ZBTB10: variants seen among roughly 807,000 people sequenced by gnomAD.
The protein encoded by ZBTB10 is zinc finger and BTB domain-containing protein 10.
Under a neutral mutation model 76.4 loss-of-function variants are expected in ZBTB10, and 32 were observed. The ratio of observed to expected loss-of-function variants is 0.42; its 90% CI spans 0.32 to 0.56. The LOEUF is 0.56. Among genes scored for constraint, ZBTB10 ranks in the 20% least tolerant of loss-of-function variants. The probability of loss-of-function intolerance (pLI) is 0.14; values close to 1 mark genes in which losing one functional copy is unlikely to be tolerated. For synonymous variants in ZBTB10, 523 were observed against 432.9 expected (o/e 1.21, Z -2.58); for missense variants, 1,057 against 1,098.5 (o/e 0.96, Z 0.53).
rs373222077 is a variant in ZBTB10 at position 80,487,383 on chromosome 8, G to A, written c.573G>A (p.Ala191=). ...SDSTEDEEEG[A]SLGDGSGAEG... ...GCACCGAGGACGAGGAGGAGGGGGC[G>A]AGCCTGGGCGACGGCAGCGGGGCGG... The change falls in exon 1 of 6, where the codon GCG becomes GCA. Residue 191 remains alanine, a synonymous_variant. Coordinates refer to ENST00000455036, the MANE Select transcript of ZBTB10 (RefSeq NM_001105539.3). The A allele has an allele frequency of 2.6e-6, 4 of 1,531,488 alleles. No homozygotes were observed. The African/African-American group carries it at 4.1e-5, about 16-fold the overall frequency. The allele number at this position is 1,531,488 out of a possible 1,614,324, so 94.9% of individuals were successfully genotyped here.
chr8:80,503,314 G>A (rs1259009985), intron 2 of ZBTB10, among the ~76,000 whole-genome samples: 1 of 152,080 alleles, frequency 6.6e-6, no homozygotes, highest in Non-Finnish European at 1.5e-5. Flanking sequence ...TTCCGGTGCT[G>A]TGTACTTTCT....
At chr8:80,490,288 C>G (rs1434894554) in intron 1 of ZBTB10, among the ~76,000 whole-genome samples, 1 of 152,132 alleles carries the variant, frequency 6.6e-6, no homozygotes, top group Non-Finnish European at 1.5e-5. Flanking sequence ...GAGACAGTGA[C>G]TCTATTGCCC....
Position 80,518,925 on chromosome 8 carries a change from C to T in ZBTB10, c.2281C>T (p.Arg761Ter), listed in dbSNP as rs1261779426. 1 of 1,603,750 alleles carries T rather than the reference C, an allele frequency of 6.2e-7. No homozygotes were observed. Residue 761 changes from arginine (R) to a stop codon, truncating the protein, a stop_gained, in exon 5 of 6, where the codon CGA (arginine) becomes TGA (stop). Transcript: ENST00000455036. LOFTEE classifies it high-confidence loss of function. ...TGATATTTGTGGAAAACTGTTTACT[C>T]GAAGAGAACATGTAAAAAGACATTC... is the stretch of plus-strand genomic sequence containing the variant. ...SCDICGKLFTRREHVKRHSLV... is the reference protein window; with the variant it reads ...SCDICGKLFT
chr8:80,500,652 C>T (rs368169504), intron 2 of ZBTB10, among the ~76,000 whole-genome samples: 1 of 152,122 alleles, frequency 6.6e-6, no homozygotes, highest in African/African-American at 2.4e-5. Context: ...GCTGCATGTA[C>T]GGGTCTTTGA....
At position 80,486,835 on chromosome 8, in the gene ZBTB10, A is replaced by T. The variant is rs995869590; in HGVS notation, c.25A>T (p.Arg9Trp). Residue 9 changes from arginine to tryptophan, a missense_variant, in exon 1 of 6, where the codon AGG becomes TGG. Arg to Trp is a moderately radical substitution (Grantham distance 101). Coordinates refer to ENST00000455036, the MANE Select transcript of ZBTB10 (RefSeq NM_001105539.3). ...CATGTCGTTCAGTGAAATGAACCGC[A>T]GGACGCTGGCGTTCCGAGGAGGCGG... MSFSEMNR[R>W]TLAFRGGGLV... The T allele has an allele frequency of 6.7e-7, 1 of 1,498,696 alleles. No individual in the cohort carries two copies. The highest frequency in any genetic ancestry group is 1.5e-5 in the African/African-American group (1 of 67,826). 92.8% of individuals were successfully genotyped at this position (1,498,696 alleles called of 1,614,324 possible).
At position 80,486,390 on chromosome 8, in the gene ZBTB10, T is replaced by TATCTGTGTGGAGG; in HGVS notation, c.-417_-405dup. The TATCTGTGTGGAGG allele has an allele frequency of 6.1e-6, 6 of 989,218 alleles. No homozygotes were observed. The highest frequency in any genetic ancestry group is 6.0e-6 in the Non-Finnish European group (5 of 833,456). 61.3% of individuals were successfully genotyped at this position (989,218 alleles called of 1,614,324 possible). On this transcript the variant is annotated 5_prime_UTR_variant, in exon 1 of 6. Transcript: ENST00000455036. ...GACTCCTCGGCGCGCGGAGGAAGGA[T>TATCTGTGTGGAGG]ATCTGTGTGGAGGATCGGTGTGTGC... is the stretch of plus-strand genomic sequence containing the variant.
At chr8:80,512,516 G>T (rs1230392194) in intron 2 of ZBTB10, among the ~76,000 whole-genome samples, 1 of 152,180 alleles carries the variant, frequency 6.6e-6, no homozygotes, top group African/African-American at 2.4e-5. Context: ...TTCAAGGCCA[G>T]CCTGGGCAAC....
At position 80,486,394 on chromosome 8, in the gene ZBTB10, TGTGTG is replaced by T. The variant is rs2131464283; in HGVS notation, c.-415_-411del. On this transcript the variant is annotated 5_prime_UTR_variant, in exon 1 of 6. Transcript: ENST00000455036. Reference sequence around the variant, plus strand: ...CCTCGGCGCGCGGAGGAAGGATATCTGTGTGGAGGATCGGTGTGTGCGCGCGCGGC... The same window carrying T: ...CCTCGGCGCGCGGAGGAAGGATATCTGAGGATCGGTGTGTGCGCGCGCGGC... 1.0e-6 allele frequency: 1 copy of T among 988,036 alleles called. No homozygotes were observed. The highest frequency in any genetic ancestry group is 1.8e-5 in the African/African-American group (1 of 56,868). The allele number at this position is 988,036 out of a possible 1,614,324, so 61.2% of individuals were successfully genotyped here.
chr8:80,514,040 T>C (rs1563466404), intron 3 of ZBTB10, 32 bp downstream of exon 3: 1 of 1,573,878 alleles, frequency 6.4e-7, no homozygotes, highest in Non-Finnish European at 8.6e-7. Context: ...CAACAGTACA[T>C]TTAAGATTGG....
Position 80,486,726 on chromosome 8 carries a change from GGGGGAGCCGC to G in ZBTB10, c.-77_-68del. The G allele has an allele frequency of 2.0e-6, 2 of 1,005,986 alleles. No individual in the cohort carries two copies. The highest frequency in any genetic ancestry group is 2.4e-6 in the Non-Finnish European group (2 of 844,256). 62.3% of individuals were successfully genotyped at this position (1,005,986 alleles called of 1,614,324 possible). On this transcript the variant is annotated 5_prime_UTR_variant, in exon 1 of 6. Transcript: ENST00000455036. ...ACGCCGGGGGCGGGGGCGAGACAGA[GGGGGAGCCGC>G]GGGGAGCGCGCGGGACGCGGCCCGA...
chr8:80,513,767 GC>G, intron 2 of ZBTB10, 142 bp from the exon 3 acceptor site: 1 of 654,082 alleles, frequency 1.5e-6, no homozygotes, highest in South Asian at 1.8e-5. Flanking sequence ...GCTTCTGTGA[GC>G]CTTGTAGTAT....
At chr8:80,503,540 CAG>C (rs1491302404) in intron 2 of ZBTB10, among the ~76,000 whole-genome samples, 2 of 151,252 alleles carry the variant, frequency 1.3e-5, no homozygotes, top group African/African-American at 4.8e-5. Flanking sequence ...TTTTGAGAGA[CAG>C]AGTCTCCCTG....
At chr8:80,511,770 A>G (rs568218682) in intron 2 of ZBTB10, among the ~76,000 whole-genome samples, 11 of 152,320 alleles carry the variant, frequency 7.2e-5, no homozygotes, top group African/African-American at 2.2e-4. Context: ...ATTATTCTTC[A>G]GATACCATGA....
chr8:80,510,639 AGTGTGTGTGTGTGTGTGTGTGT>A (rs58749656), intron 2 of ZBTB10, among the ~76,000 whole-genome samples: 14 of 125,688 alleles, frequency 1.1e-4, no homozygotes, highest in Non-Finnish European at 3.5e-5. Context: ...TTGTGAAACC[AGTGTGTGTGTGTGTGTGTGTGT>A]GTGTGTGTGT....
chr8:80,486,328 T>C lies in ZBTB10; in HGVS notation c.-483T>C, dbSNP rs953063820. ...GGAGCCGAGCAGTTTAGCGTGCCTC[T>C]CACCCTCAGCGCCTGCGAAGCCGGC... On this transcript the variant is annotated 5_prime_UTR_variant, in exon 1 of 6. Transcript: ENST00000455036. 1 of 992,268 alleles carries C rather than the reference T, an allele frequency of 1.0e-6. No individual in the cohort carries two copies. The highest frequency in any genetic ancestry group is 1.2e-6 in the Non-Finnish European group (1 of 834,990). 61.5% of individuals were successfully genotyped at this position (992,268 alleles called of 1,614,324 possible).
At chr8:80,498,767 A>G (rs1478168487) in intron 1 of ZBTB10, among the ~76,000 whole-genome samples, 1 of 152,268 alleles carries the variant, frequency 6.6e-6, no homozygotes, top group African/African-American at 2.4e-5. Context: ...AAGTAGAACT[A>G]TAATGAATAC....
At chr8:80,512,286 CTT>C (rs1563465657) in intron 2 of ZBTB10, among the ~76,000 whole-genome samples, 1 of 152,220 alleles carries the variant, frequency 6.6e-6, no homozygotes, top group African/African-American at 2.4e-5. Flanking sequence ...TGCTGTCTCT[CTT>C]AAGTACCCAG....
chr8:80,492,484 A>AT lies in ZBTB10; in HGVS notation c.972+4715dup, dbSNP rs111931707. 4.0e-3 allele frequency among the ~76,000 whole-genome samples: 582 copies of AT among 147,052 alleles called. 6 individuals are homozygous for AT. Among genetic ancestry groups the AT allele is most frequent in the African/African-American group, 0.012 (464 of 40,300 alleles). On this transcript the variant is annotated intron_variant, in intron 1 of 5. Transcript: ENST00000455036. ...GTATATAATCAGGGTACATTGAAGA[A>AT]TTTTTTTTTTTTTGAGATGGGGTCT...
At position 80,519,643 on chromosome 8, in the gene ZBTB10, T is replaced by C; in HGVS notation, c.*115T>C. 1 of 1,240,442 alleles carries C rather than the reference T, an allele frequency of 8.1e-7. No homozygotes were observed. Among genetic ancestry groups the C allele is most frequent in the Non-Finnish European group, 1.1e-6 (1 of 915,650 alleles). 76.8% of individuals were successfully genotyped at this position (1,240,442 alleles called of 1,614,324 possible). ...GGTACATGCTGGATAGTAGTTATGT[T>C]GCTGTGAAAACTGTAGGGTCAAAGC... On this transcript the variant is annotated 3_prime_UTR_variant, in exon 6 of 6. Transcript: ENST00000455036.
Sources: allele counts gnomAD v4.1 joint callset (sites outside exome capture counted in the v4.1 genomes callset), GRCh38; gene constraint gnomAD v4.1.1; transcripts MANE v1.5; gene names NCBI Gene and HGNC (gene_info 2026-07-23, HGNC 2026-07-21).